KCNS3: variants seen among roughly 807,000 people sequenced by gnomAD.
KCNS3 encodes the protein potassium voltage-gated channel modifier subfamily S member 3.
Under a neutral mutation model 31.0 loss-of-function variants are expected in KCNS3, and 13 were observed. That is an observed-to-expected ratio of 0.42 (90% CI 0.27 to 0.67). KCNS3 has a LOEUF of 0.67. KCNS3 is among the 30% of genes least tolerant of loss of function. The pLI, the probability that KCNS3 is intolerant of heterozygous loss-of-function variation, is 0.25. For synonymous variants in KCNS3, 238 were observed against 241.5 expected, an observed-to-expected ratio of 0.99 and a Z score of 0.13; for missense variants, 545 against 622.4, an observed-to-expected ratio of 0.88 and a Z score of 1.32.
chr2:17,905,863 C>G (rs2125242624), intron 1 of KCNS3, among the ~76,000 whole-genome samples: 1 of 152,158 alleles, frequency 6.6e-6, no homozygotes, highest in Non-Finnish European at 1.5e-5. Context: ...TTTGGTTTGC[C>G]CGTATTTTAT....
chr2:17,897,759 C>T (rs1662066835), intron 1 of KCNS3, among the ~76,000 whole-genome samples: 1 of 152,056 alleles, frequency 6.6e-6, no homozygotes. Flanking sequence ...TTTTACTGTG[C>T]AGAATCTCCT....
intron 1 of KCNS3, among the ~76,000 whole-genome samples, chr2:17,883,805 A>G (rs1674696067): frequency 6.6e-6 from 1 of 152,266 alleles, no homozygotes; most frequent in Non-Finnish European, 1.5e-5. Context: ...ACACCTGCAC[A>G]CGTATGTTTA....
At chr2:17,923,180 G>A (rs529806049) in intron 2 of KCNS3, among the ~76,000 whole-genome samples, 1 of 152,230 alleles carries the variant, frequency 6.6e-6, no homozygotes, top group South Asian at 2.1e-4. Flanking sequence ...ATGAAGTGGT[G>A]TCTCATTGTA....
intron 1 of KCNS3, among the ~76,000 whole-genome samples, chr2:17,904,427 G>A (rs1185353423): frequency 6.6e-6 from 1 of 152,106 alleles, no homozygotes; most frequent in African/African-American, 2.4e-5. Context: ...CACTCTGATG[G>A]TAGTTTCTTT....
chr2:17,918,994 G>A (rs777367725), intron 2 of KCNS3, among the ~76,000 whole-genome samples: 5 of 152,224 alleles, frequency 3.3e-5, no homozygotes, highest in Admixed American at 1.3e-4. Flanking sequence ...TTACAGCAGG[G>A]CTAGGGGCCC....
intron 1 of KCNS3, among the ~76,000 whole-genome samples, chr2:17,885,390 C>T (rs1049837230): frequency 1.3e-5 from 2 of 152,122 alleles, no homozygotes; most frequent in Non-Finnish European, 2.9e-5. Context: ...TTCTGAGAAC[C>T]CATTTGTGTT....
chr2:17,904,938 T>C (rs1322477044), intron 1 of KCNS3, among the ~76,000 whole-genome samples: 3 of 152,346 alleles, frequency 2.0e-5, no homozygotes, highest in Non-Finnish European at 2.9e-5. Flanking sequence ...GTCTTGGTAA[T>C]GCGGGCTCTT....
chr2:17,884,835 C>T (rs1040179333), intron 1 of KCNS3, among the ~76,000 whole-genome samples: 2 of 151,828 alleles, frequency 1.3e-5, no homozygotes, highest in Non-Finnish European at 2.9e-5. Context: ...TTAAGCATAT[C>T]ACTTTGAGTA....
rs376786494 is a variant in KCNS3 at position 17,922,806 on chromosome 2, T to G, written c.-60+4935T>G. The stretch of plus-strand genomic sequence containing the variant: ...GTAGACCTTTTTCATTAGCATAAGT[T>G]TTCAAAGTTGATCCAGGTTGTAGTC... On this transcript the variant is annotated intron_variant, in intron 2 of 2. Transcript: ENST00000304101. 1.3e-4 allele frequency among the ~76,000 whole-genome samples: 20 copies of G among 152,298 alleles called. No individual in the cohort carries two copies. In the East Asian group the frequency reaches 3.7e-3, roughly 28 times the overall value.
At chr2:17,900,219 G>A (rs1240646627) in intron 1 of KCNS3, among the ~76,000 whole-genome samples, 1 of 152,162 alleles carries the variant, frequency 6.6e-6, no homozygotes, top group Non-Finnish European at 1.5e-5. Flanking sequence ...GAAAAAATAG[G>A]CCTACCTTTG....
chr2:17,884,256 TAA>T (rs34385647), intron 1 of KCNS3, among the ~76,000 whole-genome samples: 3,166 of 86,276 alleles, frequency 0.037, 89 homozygotes, highest in Admixed American at 0.069. Context: ...AAAGTATAAT[TAA>T]AAAAAAAAAA....
chr2:17,909,208 T>C (rs1290323883), intron 1 of KCNS3, among the ~76,000 whole-genome samples: 1 of 152,224 alleles, frequency 6.6e-6, no homozygotes, highest in Non-Finnish European at 1.5e-5. Context: ...TATCTCAGAC[T>C]GCTGTGCTAG....
chr2:17,903,860 A>T (rs894302811), intron 1 of KCNS3, among the ~76,000 whole-genome samples: 8 of 152,270 alleles, frequency 5.3e-5, no homozygotes, highest in East Asian at 1.9e-4. Flanking sequence ...TCTATCATTG[A>T]TGGACATTTG....
intron 2 of KCNS3, among the ~76,000 whole-genome samples, chr2:17,921,958 T>TATATATATATATAA (rs1284771923): frequency 2.2e-5 from 3 of 133,858 alleles, no homozygotes; most frequent in African/African-American, 5.6e-5. Flanking sequence ...TATATATATA[T>TATATATATATATAA]AAATACATAT....
chr2:17,903,792 CT>C (rs1476747850), intron 1 of KCNS3, among the ~76,000 whole-genome samples: 2 of 152,040 alleles, frequency 1.3e-5, no homozygotes, highest in East Asian at 3.9e-4. Flanking sequence ...TGAACTCATC[CT>C]TTTTTATGGC....
chr2:17,893,647 C>T (rs1038515097), intron 1 of KCNS3, among the ~76,000 whole-genome samples: 1 of 152,162 alleles, frequency 6.6e-6, no homozygotes, highest in Non-Finnish European at 1.5e-5. Context: ...GACTCAGCTC[C>T]AGGTAAAGTT....
Position 17,932,125 on chromosome 2 carries a change from T to A in KCNS3, c.1117T>A (p.Tyr373Asn), listed in dbSNP as rs1299242073. 9 of 1,613,886 alleles carry A rather than the reference T, an allele frequency of 5.6e-6. No homozygotes were observed. The highest frequency in any genetic ancestry group is 7.6e-6 in the Non-Finnish European group (9 of 1,180,004). ...WATISMTTVG[Y>N]GDTHPVTLAG... is the part of the protein sequence containing the mutation. ...CACCATCAGCATGACAACTGTGGGC[T>A]ATGGAGACACCCACCCGGTCACCTT... The change falls in exon 3 of 3, where the codon TAT becomes AAT. Residue 373 changes from tyrosine (Y) to asparagine (N), a missense_variant. By Grantham distance (143) the Tyr-to-Asn change is moderately radical. Transcript: ENST00000304101.
At chr2:17,930,504 G>T (rs1243139705) in intron 2 of KCNS3, among the ~76,000 whole-genome samples, 1 of 152,188 alleles carries the variant, frequency 6.6e-6, no homozygotes, top group African/African-American at 2.4e-5. Context: ...CTAGGGATTG[G>T]AAGGGATGAG....
At chr2:17,910,773 G>A (rs1024825066) in intron 1 of KCNS3, among the ~76,000 whole-genome samples, 15 of 152,236 alleles carry the variant, frequency 9.9e-5, no homozygotes, top group African/African-American at 3.6e-4. Flanking sequence ...TGTGGCCACA[G>A]GCAATCAATC....
Sources: allele counts gnomAD v4.1 joint callset (sites outside exome capture counted in the v4.1 genomes callset), GRCh38; gene constraint gnomAD v4.1.1; transcripts MANE v1.5; gene names NCBI Gene and HGNC (gene_info 2026-07-23, HGNC 2026-07-21).